Variants in SPAST observed in about 807,000 individuals in gnomAD.
The protein encoded by SPAST is spastin.
In SPAST, 30 loss-of-function variants were observed where a neutral mutation model predicts 76.6. That is an observed-to-expected ratio of 0.39 (90% CI 0.29 to 0.53). The LOEUF (loss-of-function observed/expected upper bound fraction) is 0.53. Ranked by LOEUF, SPAST falls within the 20% of genes least tolerant of loss-of-function variation. The pLI is 0.68. For synonymous variants in SPAST, 305 were observed against 281.0 expected (o/e 1.09, Z -0.86); for missense variants, 717 against 770.5 (o/e 0.93, Z 0.82).
rs758524294 is a variant in SPAST at position 32,067,966 on chromosome 2, TTTC to T, written c.415+3723_415+3725del. Reference sequence around the variant, plus strand: ...TCACAACTTTTTCTTTATATTTTGATTTCTTTTCTCTTTTCTTTTTTTTTTTTT... The same window carrying T: ...TCACAACTTTTTCTTTATATTTTGATTTTTCTCTTTTCTTTTTTTTTTTTT... On this transcript the variant is annotated intron_variant, in intron 1 of 16. Coordinates refer to ENST00000315285, the MANE Select transcript of SPAST (RefSeq NM_014946.4). 1.5e-3 allele frequency among the ~76,000 whole-genome samples: 226 copies of T among 151,812 alleles called. 1 individual carries two copies. The highest frequency in any genetic ancestry group is 0.01 in the Middle Eastern group (3 of 294).
chr2:32,067,144 C>T (rs962618549), intron 1 of SPAST, among the ~76,000 whole-genome samples: 8 of 152,110 alleles, frequency 5.3e-5, no homozygotes, highest in African/African-American at 1.9e-4. Flanking sequence ...TCACTGCAAC[C>T]TCTGCCTCCC....
chr2:32,115,398 T>C (rs1267013629), intron 5 of SPAST, among the ~76,000 whole-genome samples: 1 of 152,170 alleles, frequency 6.6e-6, no homozygotes, highest in Non-Finnish European at 1.5e-5. Context: ...TTTCAATCTT[T>C]GTAAATGTTT....
chr2:32,127,158 G>A (rs941122823), intron 8 of SPAST, 136 bp downstream of exon 8: 1 of 723,328 alleles, frequency 1.4e-6, no homozygotes, highest in African/African-American at 1.8e-5. Context: ...TTTTTTGTTT[G>A]TTTGTTTTGT....
At chr2:32,079,126 C>T (rs1677095763) in intron 1 of SPAST, among the ~76,000 whole-genome samples, 1 of 152,134 alleles carries the variant, frequency 6.6e-6, no homozygotes, top group Non-Finnish European at 1.5e-5. Context: ...CAGGTGTGAA[C>T]CACCATGCTC....
At chr2:32,070,599 T>G (rs984630857) in intron 1 of SPAST, among the ~76,000 whole-genome samples, 1 of 152,236 alleles carries the variant, frequency 6.6e-6, no homozygotes, top group Non-Finnish European at 1.5e-5. Flanking sequence ...ACATTAGTTA[T>G]GTGATTAACA....
intron 9 of SPAST, among the ~76,000 whole-genome samples, chr2:32,131,305 C>G (rs566891910): frequency 2.0e-5 from 3 of 152,164 alleles, no homozygotes; most frequent in Non-Finnish European, 4.4e-5. Flanking sequence ...TATTATTCTC[C>G]TAGCACCACT....
chr2:32,083,774 A>AATTTTTTTTTTTTTTTTTT, intron 1 of SPAST, among the ~76,000 whole-genome samples: 1 of 54,390 alleles, frequency 1.8e-5, no homozygotes, highest in South Asian at 7.1e-4. Context: ...ATATATATAT[A>AATTTTTTTTTTTTTTTTTT]TATTTTTTTT....
At chr2:32,091,647 A>G (rs897386681) in intron 3 of SPAST, among the ~76,000 whole-genome samples, 2 of 150,294 alleles carry the variant, frequency 1.3e-5, no homozygotes, top group African/African-American at 4.9e-5. Context: ...CCTGGCTAAC[A>G]CGGTGAAACC....
intron 16 of SPAST, among the ~76,000 whole-genome samples, chr2:32,148,574 C>A (rs1679970688): frequency 6.6e-6 from 1 of 151,940 alleles, no homozygotes. Context: ...CTTTGGGAGG[C>A]CGAGGCGGGC....
chr2:32,087,694 CTTTTTTT>C, intron 2 of SPAST, 116 bp downstream of exon 2: 3 of 185,144 alleles, frequency 1.6e-5, no homozygotes, highest in South Asian at 9.3e-5. Flanking sequence ...CTTTTCTTTT[CTTTTTTT>C]TTTTTTTTTT....
intron 1 of SPAST, among the ~76,000 whole-genome samples, chr2:32,066,383 T>C (rs1676512013): frequency 6.6e-6 from 1 of 152,098 alleles, no homozygotes; most frequent in Non-Finnish European, 1.5e-5. Context: ...GTAGATCATT[T>C]TTTGGGCCAG....
intron 14 of SPAST, among the ~76,000 whole-genome samples, chr2:32,144,035 G>A (rs1212334439): frequency 6.6e-6 from 1 of 152,076 alleles, no homozygotes. Flanking sequence ...TTTATGAACA[G>A]TGTGAAGTAG....
At chr2:32,137,076 T>A in intron 11 of SPAST, 33 bp from the exon 12 acceptor site, 7 of 1,591,404 alleles carry the variant, frequency 4.4e-6, no homozygotes, top group Non-Finnish European at 6.0e-6. Context: ...ATTACTTTTC[T>A]AAATGAATTG....
chr2:32,086,685 G>C (rs1233077926), intron 1 of SPAST, among the ~76,000 whole-genome samples: 1 of 151,776 alleles, frequency 6.6e-6, no homozygotes, highest in Non-Finnish European at 1.5e-5. Flanking sequence ...TTGAACCCGG[G>C]AGGGGGAGGT....
chr2:32,063,928 C>A lies in SPAST; in HGVS notation c.97C>A (p.Pro33Thr). ...TCCGCCCCCTTGCCTGGCCCCCGCC[C>A]CTCCCGCCGCCGGGCCGGCCCCTCC... ...RPPPPCLAPA[P>T]PAAGPAPPPE... The change falls in exon 1 of 17, where the codon CCT becomes ACT. Residue 33 changes from proline (P) to threonine (T), a missense_variant. By Grantham distance (38) the Pro-to-Thr change is conservative. Transcript: ENST00000315285. 1.3e-6 allele frequency: 2 copies of A among 1,597,930 alleles called. No individual in the cohort carries two copies. Among genetic ancestry groups the A allele is most frequent in the Non-Finnish European group, 1.7e-6 (2 of 1,172,572 alleles).
In SPAST at chr2:32,085,586, A is replaced by G. The variant is rs145469711; in HGVS notation, c.416-1906A>G. Reference sequence around the variant, plus strand: ...GCACCTACTGTCAACCAGCCGTAGTATATAATACTGATAATTCTATAACAT... The same window carrying G: ...GCACCTACTGTCAACCAGCCGTAGTGTATAATACTGATAATTCTATAACAT... On this transcript the variant is annotated intron_variant, in intron 1 of 16. Coordinates refer to ENST00000315285, the MANE Select transcript of SPAST (RefSeq NM_014946.4). 2.2e-4 allele frequency among the ~76,000 whole-genome samples: 34 copies of G among 152,270 alleles called. No individual in the cohort carries two copies. In the East Asian group the frequency reaches 6.2e-3, roughly 28 times the overall value.
chr2:32,098,435 C>T (rs944114094), intron 3 of SPAST, among the ~76,000 whole-genome samples: 1 of 152,134 alleles, frequency 6.6e-6, no homozygotes, highest in African/African-American at 2.4e-5. Context: ...GTACTTCAGC[C>T]TGGGTGACAG....
At chr2:32,105,334 A>G (rs536068416) in intron 4 of SPAST, among the ~76,000 whole-genome samples, 1 of 152,010 alleles carries the variant, frequency 6.6e-6, no homozygotes, top group Admixed American at 6.5e-5. Flanking sequence ...CATGCTGTTT[A>G]TTCTAGTTAG....
chr2:32,134,884 CAG>C (rs1337260700), intron 9 of SPAST, among the ~76,000 whole-genome samples: 1 of 150,752 alleles, frequency 6.6e-6, no homozygotes, highest in African/African-American at 2.4e-5. Context: ...TTAGTAGACA[CAG>C]GGTTTCACCA....
Sources: gnomAD v4.1 joint callset for allele counts (sites outside exome capture counted in the v4.1 genomes callset) on GRCh38, gnomAD v4.1.1 for gene constraint, MANE v1.5 for transcripts, NCBI Gene and HGNC (gene_info 2026-07-23, HGNC 2026-07-21) for gene names.